The following TMOD3 variants were observed in gnomAD, a reference collection of about 807,000 sequenced individuals.
The protein encoded by TMOD3 is tropomodulin-3.
A neutral mutation model predicts 39.2 loss-of-function variants in TMOD3; 20 were observed. The observed-to-expected ratio is 0.51, with a 90% CI of 0.36 to 0.74. The LOEUF (loss-of-function observed/expected upper bound fraction) is 0.74, where lower values mean the gene tolerates loss of function less well. Among genes scored for constraint, TMOD3 ranks in the 30% least tolerant of loss-of-function variants. The pLI, the probability that TMOD3 is intolerant of heterozygous loss-of-function variation, is 0.00. For missense variants in TMOD3, 381 were observed against 412.8 expected (o/e 0.92, Z 0.67); for synonymous variants, 143 against 145.8 (o/e 0.98, Z 0.14).
intron 3 of TMOD3, among the ~76,000 whole-genome samples, chr15:51,882,374 T>C (rs1351498011): frequency 1.3e-5 from 2 of 151,600 alleles, no homozygotes; most frequent in African/African-American, 4.8e-5. Flanking sequence ...CCCCATCTAC[T>C]AGTAGTCCCA....
At position 51,867,959 on chromosome 15, in the gene TMOD3, C is replaced by G. The variant is rs181569090; in HGVS notation, c.127-1258C>G. Among the ~76,000 whole-genome samples the G allele has an allele frequency of 3.8e-3, 574 of 152,318 alleles. 4 individuals carry two copies. Among genetic ancestry groups the G allele is most frequent in the African/African-American group, 0.013 (552 of 41,548 alleles). On this transcript the variant is annotated intron_variant, in intron 2 of 9. Coordinates refer to ENST00000308580, the MANE Select transcript of TMOD3 (RefSeq NM_014547.5). ...AGTCCATGCGCTCAAAAAGGCTGTA[C>G]CCGTGTGGAAACCCAGGAACATAGC...
chr15:51,906,654 C>T (rs540855267), intron 9 of TMOD3, among the ~76,000 whole-genome samples: 2 of 152,264 alleles, frequency 1.3e-5, no homozygotes, highest in South Asian at 4.1e-4. Context: ...TGCATTATAG[C>T]ATCTGAAGTG....
intron 1 of TMOD3, chr15:51,859,445 GA>G: frequency 1.5e-6 from 1 of 663,318 alleles, no homozygotes; most frequent in Non-Finnish European, 2.9e-6. Context: ...TCATTTTCCT[GA>G]AAAAGTCAAC....
chr15:51,846,829 C>T (rs148326656), intron 1 of TMOD3, among the ~76,000 whole-genome samples: 10 of 152,202 alleles, frequency 6.6e-5, no homozygotes, highest in Admixed American at 6.5e-4. Context: ...GAGTTTGCAA[C>T]AACTGGGAAA....
chr15:51,885,729 T>C (rs1351582966), intron 3 of TMOD3, among the ~76,000 whole-genome samples: 1 of 152,240 alleles, frequency 6.6e-6, no homozygotes, highest in Non-Finnish European at 1.5e-5. Context: ...TCTCCTTCTT[T>C]TCCCCACATT....
intron 1 of TMOD3, chr15:51,860,121 C>T (rs1228128550): frequency 2.1e-6 from 1 of 478,244 alleles, no homozygotes; most frequent in Middle Eastern, 6.6e-4. Flanking sequence ...CTGCTCTTCT[C>T]CCGTTTGTGA....
rs976876235 is a variant in TMOD3, at chr15:51,909,932, T to C, written c.*1122T>C. 14 of 152,374 alleles carry C rather than the reference T, an allele frequency of 9.2e-5. No homozygotes were observed. The highest frequency in any genetic ancestry group is 7.8e-4 in the Admixed American group (12 of 15,294). The allele number at this position is 152,374 out of a possible 1,614,324, so 9.4% of individuals were successfully genotyped here. On this transcript the variant is annotated 3_prime_UTR_variant, in exon 10 of 10. Coordinates refer to ENST00000308580, the MANE Select transcript of TMOD3 (RefSeq NM_014547.5). ...TTAGTATATGCTTCCTTTCATCTTA[T>C]ACTTTTATCAATATTTATAAAAGTC... is the stretch of plus-strand genomic sequence containing the variant.
rs1364478943 is a variant in TMOD3 at position 51,914,781 on chromosome 15, G to C, written c.*5971G>C. ...AGGTTCACTCTTGTCGCCCAGGCTG[G>C]AGCGCAATGGTGCGATCTCAGCTCA... is the stretch of plus-strand genomic sequence containing the variant. On this transcript the variant is annotated 3_prime_UTR_variant, in exon 10 of 10. Transcript: ENST00000308580. The C allele has an allele frequency of 6.6e-6, 1 of 151,438 alleles. No homozygotes were observed. Among genetic ancestry groups the C allele is most frequent in the Non-Finnish European group, 1.5e-5 (1 of 67,950 alleles). The allele number at this position is 151,438 out of a possible 1,614,324, so 9.4% of individuals were successfully genotyped here. A position where few individuals can be genotyped will look rare whatever the true frequency, so the allele number is the denominator to read the frequency against.
chr15:51,874,425 T>C (rs918372401), intron 3 of TMOD3, among the ~76,000 whole-genome samples: 3 of 152,214 alleles, frequency 2.0e-5, no homozygotes, highest in African/African-American at 7.2e-5. Context: ...AATATTTTAC[T>C]TTTTACCTCT....
intron 1 of TMOD3, among the ~76,000 whole-genome samples, chr15:51,841,427 C>T (rs192911513): frequency 6.6e-6 from 1 of 152,294 alleles, no homozygotes. Flanking sequence ...GCAACCTCCT[C>T]TCTTTTCCTG....
chr15:51,835,036 A>G (rs1023041573), intron 1 of TMOD3: 2 of 152,194 alleles, frequency 1.3e-5, no homozygotes, highest in Admixed American at 6.6e-5. Context: ...GTTACCATGT[A>G]TTTCCTGATG....
chr15:51,902,045 T>C lies in TMOD3; in HGVS notation c.1024+9T>C. On this transcript the variant is annotated intron_variant, in intron 9 of 9. Coordinates refer to ENST00000308580, the MANE Select transcript of TMOD3 (RefSeq NM_014547.5). ...AAAAAACAATGACTTAGGTAAGACA[T>C]AGTATCGATCAAGTTTCTGAGTTCT... is the stretch of plus-strand genomic sequence containing the variant. The C allele has an allele frequency of 6.2e-7, 1 of 1,612,644 alleles. No homozygotes were observed. The highest frequency in any genetic ancestry group is 8.5e-7 in the Non-Finnish European group (1 of 1,179,690).
intron 5 of TMOD3, among the ~76,000 whole-genome samples, chr15:51,890,488 AAT>A (rs1160638044): frequency 4.6e-5 from 7 of 151,908 alleles, no homozygotes; most frequent in Admixed American, 2.0e-4. Context: ...ACTGTTTTTG[AAT>A]GCTTACTGTG....
At chr15:51,907,340 TAA>T (rs1442856831) in intron 9 of TMOD3, 1 of 152,172 alleles carries the variant, frequency 6.6e-6, no homozygotes, top group Non-Finnish European at 1.5e-5. Flanking sequence ...AAAATAAACT[TAA>T]GAGTCAGGCG....
chr15:51,908,870 A>G lies in TMOD3; in HGVS notation c.*60A>G, dbSNP rs1248196609. 4.8e-6 allele frequency: 7 copies of G among 1,448,010 alleles called. No homozygotes were observed. Among genetic ancestry groups the G allele is most frequent in the Non-Finnish European group, 6.5e-6 (7 of 1,074,662 alleles). 89.7% of individuals were successfully genotyped at this position (1,448,010 alleles called of 1,614,324 possible). On this transcript the variant is annotated 3_prime_UTR_variant, in exon 10 of 10. Transcript: ENST00000308580. ...AGATCACCAAGGGCTCATGTTGGTG[A>G]CATCATGTAAAATTTTCCTGGGTAG... is the stretch of plus-strand genomic sequence containing the variant.
Position 51,862,899 on chromosome 15 carries a change from C to T in TMOD3, c.15C>T (p.Phe5=). ...CCCTGCACATCATGGCACTGCCATTCCGTAAGGACTTAGAAAAGTACAAAG... is the reference window on the plus strand; with the variant it reads ...CCCTGCACATCATGGCACTGCCATTTCGTAAGGACTTAGAAAAGTACAAAG... The part of the protein sequence containing the change: MALP[F]RKDLEKYKDL... Residue 5 remains phenylalanine, a synonymous_variant, in exon 2 of 10, where the codon TTC becomes TTT. Transcript: ENST00000308580. 6.2e-7 allele frequency: 1 copy of T among 1,613,576 alleles called. No individual in the cohort carries two copies. Among genetic ancestry groups the T allele is most frequent in the South Asian group, 1.1e-5 (1 of 90,914 alleles).
intron 3 of TMOD3, among the ~76,000 whole-genome samples, chr15:51,873,126 C>T (rs2056484319): frequency 6.6e-6 from 1 of 152,198 alleles, no homozygotes. Flanking sequence ...TATCCTTAGT[C>T]ACGAATATGC....
chr15:51,902,947 G>C (rs1030464641), intron 9 of TMOD3, among the ~76,000 whole-genome samples: 1 of 150,978 alleles, frequency 6.6e-6, no homozygotes, highest in Non-Finnish European at 1.5e-5. Flanking sequence ...CACCGCGCCC[G>C]GCCAATTTTT....
intron 9 of TMOD3, among the ~76,000 whole-genome samples, chr15:51,904,793 G>A (rs2056669932): frequency 6.6e-6 from 1 of 152,200 alleles, no homozygotes; most frequent in African/African-American, 2.4e-5. Flanking sequence ...GGGTGCAAAT[G>A]AAAACCACTT....
Sources: allele counts gnomAD v4.1 joint callset (sites outside exome capture counted in the v4.1 genomes callset), GRCh38; gene constraint gnomAD v4.1.1; transcripts MANE v1.5; gene names NCBI Gene and HGNC (gene_info 2026-07-23, HGNC 2026-07-21).